The following CTIF variants were observed in gnomAD, a reference collection of about 807,000 sequenced individuals.
The protein encoded by CTIF is cap binding complex dependent translation initiation factor.
In CTIF, 21 loss-of-function variants were observed where a neutral mutation model predicts 66.0. The ratio of observed to expected loss-of-function variants is 0.32; its 90% CI spans 0.23 to 0.46. CTIF has a LOEUF of 0.46. Among genes scored for constraint, CTIF ranks in the 20% least tolerant of loss-of-function variants. CTIF has a pLI of 1.00. For synonymous variants in CTIF, 345 were observed against 326.4 expected, an observed-to-expected ratio of 1.06 and a Z score of -0.62; for missense variants, 739 against 812.7, an observed-to-expected ratio of 0.91 and a Z score of 1.10.
intron 7 of CTIF, among the ~76,000 whole-genome samples, chr18:48,722,507 C>T (rs1394186234): frequency 6.6e-6 from 1 of 152,160 alleles, no homozygotes; most frequent in African/African-American, 2.4e-5. Flanking sequence ...GGGCATGAGC[C>T]ACAGCACCCA....
intron 10 of CTIF, among the ~76,000 whole-genome samples, chr18:48,854,048 A>G (rs780900056): frequency 6.6e-6 from 1 of 152,206 alleles, no homozygotes. Flanking sequence ...AAAGAAATGC[A>G]TAAATCATGT....
rs781427839 is a variant in CTIF at position 48,761,727 on chromosome 18, G to A, written c.1371+38G>A. ...CGGCCACCACCGCCCCGCGCCCCCTGCCCCTCTGCGTTCGGTGAGTTATTC... is the reference window on the plus strand; with the variant it reads ...CGGCCACCACCGCCCCGCGCCCCCTACCCCTCTGCGTTCGGTGAGTTATTC... On this transcript the variant is annotated intron_variant, in intron 9 of 11. Transcript: ENST00000256413. This position sits in a 1 kb window ranked among gnomAD's most constrained non-coding sequence, Gnocchi z 4.2. The A allele has an allele frequency of 1.3e-6, 2 of 1,575,200 alleles. No homozygotes were observed. Among genetic ancestry groups the A allele is most frequent in the Non-Finnish European group, 1.7e-6 (2 of 1,155,166 alleles).
In CTIF at chr18:48,740,447, T is replaced by A. The variant is rs559424872; in HGVS notation, c.585-17472T>A. On this transcript the variant is annotated intron_variant, in intron 7 of 11. Transcript: ENST00000256413. The stretch of plus-strand genomic sequence containing the variant: ...ACCTGGTGTCTCCATCGGCTGGGCC[T>A]CCGTACTCTCTGACCATGCCTGGGC... 2.6e-4 allele frequency among the ~76,000 whole-genome samples: 39 copies of A among 152,294 alleles called. No homozygotes were observed. In the Middle Eastern group the frequency reaches 0.017, roughly 66 times the overall value.
In CTIF at chr18:48,636,637, G is replaced by T. The variant is rs577092756; in HGVS notation, c.204G>T (p.Pro68=). ...AGTGGACAGCGGACTGCAGCGAACC[G>T]CTGGACAGCAGCTGTTCCTTCTCCC... ...ISQWTADCSE[P]LDSSCSFSRG... The change falls in exon 3 of 12, where the codon CCG becomes CCT. Residue 68 remains proline, a synonymous_variant. Transcript: ENST00000256413. The T allele has an allele frequency of 3.9e-5, 62 of 1,595,062 alleles. No individual in the cohort carries two copies. The African/African-American group carries it at 5.1e-4, about 13-fold the overall frequency.
chr18:48,650,845 CA>C (rs140839601), intron 3 of CTIF, among the ~76,000 whole-genome samples: 134,224 of 151,272 alleles, frequency 0.89, 59,947 homozygotes, highest in East Asian at 1. Flanking sequence ...AAAGAATTTT[CA>C]AAAAAAAAAG....
In CTIF at chr18:48,758,317, G is replaced by A; in HGVS notation, c.983G>A (p.Ser328Asn). ...GPEVETKRKD[S>N]ILPERIGERP... ...GAGGTTGAGACAAAACGTAAAGACA[G>A]TATTCTTCCCGAGCGCATCGGGGAG... The change falls in exon 8 of 12, where the codon AGT becomes AAT. Residue 328 changes from serine (S) to asparagine (N), a missense_variant. Physicochemically the swap from Ser to Asn is conservative, Grantham distance 46. Around this residue, in one of 2 missense-constraint regions of CTIF, gnomAD observed 529 missense variants for 520.3 expected, o/e 1.02. Transcript: ENST00000256413. The A allele has an allele frequency of 3.7e-6, 6 of 1,613,178 alleles. No individual in the cohort carries two copies. The highest frequency in any genetic ancestry group is 5.1e-6 in the Non-Finnish European group (6 of 1,179,996).
At chr18:48,576,274 G>A (rs1346733458) in intron 1 of CTIF, among the ~76,000 whole-genome samples, 1 of 152,276 alleles carries the variant, frequency 6.6e-6, no homozygotes, top group Admixed American at 6.5e-5. Flanking sequence ...CCCAAGGGAG[G>A]AACACTCAGT....
intron 7 of CTIF, among the ~76,000 whole-genome samples, chr18:48,730,584 C>T (rs182647569): frequency 3.3e-4 from 4 of 12,104 alleles, no homozygotes; most frequent in Admixed American, 7.0e-4. Flanking sequence ...GTGAGGGGCC[C>T]CTGTGGTGTG....
intron 9 of CTIF, among the ~76,000 whole-genome samples, chr18:48,796,088 C>T (rs552176954): frequency 2.6e-5 from 4 of 152,180 alleles, no homozygotes; most frequent in Non-Finnish European, 4.4e-5. Context: ...CTCCACTTCC[C>T]GGGTTAAAGT....
chr18:48,817,505 G>A, intron 10 of CTIF, 129 bp downstream of exon 10: 3 of 1,139,614 alleles, frequency 2.6e-6, no homozygotes, highest in Non-Finnish European at 3.7e-6. Context: ...GCCAGGCACG[G>A]TGGCTCACAC....
At chr18:48,619,062 A>C (rs573241468) in intron 1 of CTIF, among the ~76,000 whole-genome samples, 15 of 152,252 alleles carry the variant, frequency 9.9e-5, no homozygotes, top group Non-Finnish European at 1.5e-4. Context: ...GTCTCCTCTT[A>C]AGTAGTCATT....
chr18:48,858,920 A>T (rs11082713), intron 11 of CTIF, among the ~76,000 whole-genome samples: 92,306 of 152,068 alleles, frequency 0.61, 30,307 homozygotes, highest in African/African-American at 0.86. Context: ...GACTAAGCTC[A>T]TTGCCAGAGA....
chr18:48,560,442 G>A (rs1372974467), intron 1 of CTIF, among the ~76,000 whole-genome samples: 1 of 152,056 alleles, frequency 6.6e-6, no homozygotes, highest in Non-Finnish European at 1.5e-5. Flanking sequence ...AGGCAGGATG[G>A]TCTCGATCTC....
chr18:48,729,887 T>C (rs111615653), intron 7 of CTIF, among the ~76,000 whole-genome samples: 5 of 152,304 alleles, frequency 3.3e-5, no homozygotes, highest in African/African-American at 1.2e-4. Flanking sequence ...ACAGTGGCGA[T>C]GGACAGAAGA....
At chr18:48,667,435 C>T (rs1298977408) in intron 5 of CTIF, among the ~76,000 whole-genome samples, 1 of 152,122 alleles carries the variant, frequency 6.6e-6, no homozygotes, top group Non-Finnish European at 1.5e-5. Flanking sequence ...CTCCTGTGTG[C>T]CCCGGGAGCA....
intron 9 of CTIF, among the ~76,000 whole-genome samples, chr18:48,790,194 G>C (rs1356282098): frequency 6.6e-6 from 1 of 152,222 alleles, no homozygotes; most frequent in African/African-American, 2.4e-5. Context: ...TTTCCAAAAA[G>C]GGAAATTCTG....
intron 1 of CTIF, among the ~76,000 whole-genome samples, chr18:48,595,244 C>T (rs969233348): frequency 2.6e-5 from 4 of 152,086 alleles, no homozygotes; most frequent in Non-Finnish European, 4.4e-5. Flanking sequence ...CACCTTAGAG[C>T]TCACCCAGCC....
chr18:48,678,832 G>A (rs1447958145), intron 6 of CTIF, among the ~76,000 whole-genome samples: 1 of 152,120 alleles, frequency 6.6e-6, no homozygotes, highest in African/African-American at 2.4e-5. Flanking sequence ...CACCCTATAG[G>A]AACACCTCAA....
chr18:48,680,393 C>T (rs778942738), intron 6 of CTIF, among the ~76,000 whole-genome samples: 46 of 152,242 alleles, frequency 3.0e-4, no homozygotes, highest in Non-Finnish European at 4.7e-4. Flanking sequence ...GACAGCCTTC[C>T]TCAAGGTCTC....
Sources: gnomAD v4.1 joint callset for allele counts (sites outside exome capture counted in the v4.1 genomes callset) on GRCh38, gnomAD v4.1.1 for gene constraint, gnomAD v4.1.1 regional missense constraint, Gnocchi (gnomAD v3.1) non-coding constraint, MANE v1.5 for transcripts, NCBI Gene and HGNC (gene_info 2026-07-23, HGNC 2026-07-21) for gene names.